PRSS23: variants seen among roughly 807,000 people sequenced by gnomAD.
The protein encoded by PRSS23 is serine protease 23, also known as protease, serine 23.
Under a neutral mutation model 34.7 loss-of-function variants are expected in PRSS23, and 25 were observed. The observed-to-expected ratio is 0.72, with a 90% CI of 0.53 to 1.01. The LOEUF is 1.01. Among genes scored for constraint, PRSS23 ranks in the 50% least tolerant of loss-of-function variants. PRSS23 has a pLI of 0.00. For missense variants in PRSS23, 445 were observed against 475.6 expected, an observed-to-expected ratio of 0.94 and a Z score of 0.60; for synonymous variants, 176 against 186.6, an observed-to-expected ratio of 0.94 and a Z score of 0.46.
At chr11:86,842,202 T>C (rs1025016030) in intron 2 of PRSS23, among the ~76,000 whole-genome samples, 2 of 152,238 alleles carry the variant, frequency 1.3e-5, no homozygotes, top group Admixed American at 6.5e-5. Context: ...TCTCAATAGA[T>C]GCAGAAAAGA....
chr11:86,864,747 C>G (rs777287234), intron 2 of PRSS23, among the ~76,000 whole-genome samples: 2 of 152,224 alleles, frequency 1.3e-5, no homozygotes, highest in African/African-American at 2.4e-5. Flanking sequence ...GTCAGCAGAG[C>G]TGTCTTGTTT....
At chr11:86,882,935 G>A (rs1274011188) in intron 2 of PRSS23, among the ~76,000 whole-genome samples, 1 of 152,088 alleles carries the variant, frequency 6.6e-6, no homozygotes, top group African/African-American at 2.4e-5. Context: ...GTTTTGGTTT[G>A]CATTTCTCCA....
At chr11:86,879,483 G>A (rs1486456469) in intron 2 of PRSS23, among the ~76,000 whole-genome samples, 23 of 118,416 alleles carry the variant, frequency 1.9e-4, no homozygotes, top group South Asian at 6.1e-4. Flanking sequence ...CAGCCGCCCC[G>A]TCCGGGAGGG....
At chr11:86,936,158 G>C (rs74322267) in intron 2 of PRSS23, 1 of 152,224 alleles carries the variant, frequency 6.6e-6, no homozygotes, top group Non-Finnish European at 1.5e-5. Context: ...ACTACCCAGA[G>C]GGTTCATTGT....
chr11:86,923,841 T>C (rs1174861074), intron 2 of PRSS23, among the ~76,000 whole-genome samples: 2 of 152,222 alleles, frequency 1.3e-5, no homozygotes, highest in Non-Finnish European at 2.9e-5. Flanking sequence ...GCCTGGAATC[T>C]TTTCCCGTTT....
chr11:86,891,164 G>T (rs542855813), intron 2 of PRSS23, among the ~76,000 whole-genome samples: 1 of 151,906 alleles, frequency 6.6e-6, no homozygotes, highest in Non-Finnish European at 1.5e-5. Context: ...ATTTACAGCC[G>T]GCTCTCCACC....
intron 2 of PRSS23, among the ~76,000 whole-genome samples, chr11:86,879,677 G>A (rs1474610693): frequency 1.4e-5 from 2 of 138,800 alleles, no homozygotes; most frequent in African/African-American, 5.3e-5. Context: ...AGGAGGTGGG[G>A]GGGTCAGCCC....
chr11:86,911,700 G>A (rs1454269700), intron 2 of PRSS23: 2 of 152,118 alleles, frequency 1.3e-5, no homozygotes, highest in South Asian at 2.1e-4. Context: ...AGTTTTAAAA[G>A]TATTGTCATA....
chr11:86,826,757 A>G (rs1047440645), intron 2 of PRSS23, among the ~76,000 whole-genome samples: 7 of 151,874 alleles, frequency 4.6e-5, no homozygotes, highest in Admixed American at 1.3e-4. Context: ...TAATCATGTG[A>G]TTTTTGTCTT....
chr11:86,873,164 G>T (rs1354461497), intron 2 of PRSS23, among the ~76,000 whole-genome samples: 1 of 148,834 alleles, frequency 6.7e-6, no homozygotes, highest in Admixed American at 6.8e-5. Flanking sequence ...CTTGTGATTT[G>T]CACACACAGG....
At chr11:86,939,221 A>G in intron 2 of PRSS23, 1 of 287,722 alleles carries the variant, frequency 3.5e-6, no homozygotes, top group Non-Finnish European at 6.8e-6. Flanking sequence ...TCTCCCAAGC[A>G]AACACATAAA....
chr11:86,855,726 G>C (rs111284908), intron 2 of PRSS23, among the ~76,000 whole-genome samples: 1 of 152,126 alleles, frequency 6.6e-6, no homozygotes, highest in East Asian at 1.9e-4. Context: ...CAACTCCTCA[G>C]ATGGCCTCAA....
intron 2 of PRSS23, among the ~76,000 whole-genome samples, chr11:86,859,364 G>T (rs1397268039): frequency 4.6e-5 from 7 of 151,970 alleles, no homozygotes; most frequent in Admixed American, 4.6e-4. Flanking sequence ...AGGAGAGGAG[G>T]ATATTACTCC....
chr11:86,857,446 T>G (rs1948579896), intron 2 of PRSS23: 1 of 373,226 alleles, frequency 2.7e-6, no homozygotes, highest in South Asian at 2.3e-5. Context: ...ACAGGCAAGG[T>G]TGAGAAGTTG....
intron 2 of PRSS23, among the ~76,000 whole-genome samples, chr11:86,870,157 G>A (rs1205962725): frequency 1.3e-5 from 2 of 152,084 alleles, no homozygotes; most frequent in Non-Finnish European, 2.9e-5. Context: ...GACCAGCAGA[G>A]GGCAGGCTTG....
intron 2 of PRSS23, among the ~76,000 whole-genome samples, chr11:86,839,023 A>T (rs1030302039): frequency 6.6e-6 from 1 of 151,884 alleles, no homozygotes; most frequent in Middle Eastern, 3.2e-3. Flanking sequence ...AACCACAAAG[A>T]TAGGGAGAAA....
intron 2 of PRSS23, among the ~76,000 whole-genome samples, chr11:86,879,850 C>A (rs1590910034): frequency 7.5e-6 from 1 of 132,684 alleles, no homozygotes; most frequent in Non-Finnish European, 1.7e-5. Context: ...CCCGGCCAGC[C>A]GCCCCGTCCG....
chr11:86,910,435 G>A (rs1202762908), intron 2 of PRSS23: 2 of 152,050 alleles, frequency 1.3e-5, no homozygotes, highest in African/African-American at 4.8e-5. Flanking sequence ...GAATTGTTTG[G>A]CCCCCGTAAA....
chr11:86,835,157 G>A (rs1263895043), intron 2 of PRSS23, among the ~76,000 whole-genome samples: 3 of 152,230 alleles, frequency 2.0e-5, no homozygotes, highest in Non-Finnish European at 4.4e-5. Flanking sequence ...TGATATTTAA[G>A]TAAACAGTTG....
Sources: gnomAD v4.1 joint callset for allele counts (sites outside exome capture counted in the v4.1 genomes callset) on GRCh38, gnomAD v4.1.1 for gene constraint, MANE v1.5 for transcripts, NCBI Gene and HGNC (gene_info 2026-07-23, HGNC 2026-07-21) for gene names.